The following PPARA variants were observed in gnomAD, a reference collection of about 807,000 sequenced individuals.
PPARA encodes the protein peroxisome proliferator activated receptor alpha, also known as peroxisome proliferator-activated receptor alpha.
PPARA carries 22 observed loss-of-function variants against 42.2 expected under a neutral mutation model. The observed-to-expected ratio is 0.52, with a 90% confidence interval of 0.37 to 0.74. The LOEUF (loss-of-function observed/expected upper bound fraction) is 0.74, where lower values mean the gene tolerates loss of function less well. Ranked by LOEUF, PPARA falls within the 30% of genes least tolerant of loss-of-function variation. The pLI is 0.00. For synonymous variants in PPARA, 242 were observed against 239.3 expected, an observed-to-expected ratio of 1.01 and a Z score of -0.10; for missense variants, 465 against 608.2, an observed-to-expected ratio of 0.76 and a Z score of 2.48.
chr22:46,229,459 A>C (rs1935716517), intron 7 of PPARA, among the ~76,000 whole-genome samples: 1 of 151,926 alleles, frequency 6.6e-6, no homozygotes, highest in Non-Finnish European at 1.5e-5. Context: ...AGGCTGAGGC[A>C]GGAGAATTGC....
At position 46,236,892 on chromosome 22, in the gene PPARA, T is replaced by G. The variant is rs1936231103; in HGVS notation, c.*1512T>G. ...TTTTTCAACATCTAAAATTTTTGTTTTAGCCTTCAAAACCAACTTACCAAC... is the reference window on the plus strand; with the variant it reads ...TTTTTCAACATCTAAAATTTTTGTTGTAGCCTTCAAAACCAACTTACCAAC... On this transcript the variant is annotated 3_prime_UTR_variant, in exon 9 of 9. Coordinates refer to ENST00000407236, the MANE Select transcript of PPARA (RefSeq NM_005036.6). The surrounding 1 kb of genome is among the most constrained non-coding windows in gnomAD (Gnocchi z 5.2). 1 of 152,260 alleles carries G rather than the reference T, an allele frequency of 6.6e-6. No homozygotes were observed. Among genetic ancestry groups the G allele is most frequent in the African/African-American group, 2.4e-5 (1 of 41,458 alleles). The allele number at this position is 152,260 out of a possible 1,614,324, so 9.4% of individuals were successfully genotyped here. A position where few individuals can be genotyped will look rare whatever the true frequency, so the allele number is the denominator to read the frequency against.
At chr22:46,170,900 G>A (rs1431282818) in intron 2 of PPARA, among the ~76,000 whole-genome samples, 1 of 151,734 alleles carries the variant, frequency 6.6e-6, no homozygotes, top group Non-Finnish European at 1.5e-5. Context: ...AGTGGTTCAC[G>A]CCTGTAATCC....
At position 46,215,103 on chromosome 22, in the gene PPARA, T is replaced by A. The variant is rs922760586; in HGVS notation, c.209-70T>A. On this transcript the variant is annotated intron_variant, in intron 4 of 8. Coordinates refer to ENST00000407236, the MANE Select transcript of PPARA (RefSeq NM_005036.6). The stretch of plus-strand genomic sequence containing the variant: ...AAGCCTCGTATGCGAAATCACATCC[T>A]CATAGACCCGGTTCAGACACAGGAT... 2.5e-6 allele frequency: 4 copies of A among 1,571,894 alleles called. No individual in the cohort carries two copies. The African/African-American group carries it at 5.4e-5, about 21-fold the overall frequency.
At chr22:46,214,565 C>T (rs1483151666) in intron 4 of PPARA, among the ~76,000 whole-genome samples, 3 of 70,906 alleles carry the variant, frequency 4.2e-5, no homozygotes, top group Non-Finnish European at 8.2e-5. Context: ...ATGCGGGGGT[C>T]CAGAGATGTG....
chr22:46,241,901 G>C lies in PPARA; in HGVS notation c.*6521G>C, dbSNP rs201919340. On this transcript the variant is annotated 3_prime_UTR_variant, in exon 9 of 9. Transcript: ENST00000407236. This position sits in a 1 kb window ranked among gnomAD's most constrained non-coding sequence, Gnocchi z 5.7. Reference sequence around the variant, plus strand: ...TACTTGAGTGGTCTCATGGCTGTTAGATGGATTATTTGAAAAAAAAAAAAA... The same window carrying C: ...TACTTGAGTGGTCTCATGGCTGTTACATGGATTATTTGAAAAAAAAAAAAA... The C allele has an allele frequency of 6.2e-5, 8 of 128,732 alleles. No individual in the cohort carries two copies. In the East Asian group the frequency reaches 1.8e-3, roughly 29 times the overall value. 8.0% of individuals were successfully genotyped at this position (128,732 alleles called of 1,614,324 possible). A position where few individuals can be genotyped will look rare whatever the true frequency, so the allele number is the denominator to read the frequency against.
chr22:46,202,136 G>A (rs1187917162), intron 4 of PPARA, among the ~76,000 whole-genome samples: 1 of 152,078 alleles, frequency 6.6e-6, no homozygotes, highest in Non-Finnish European at 1.5e-5. Context: ...CAGTGGCCAG[G>A]AGGGCTGCCC....
chr22:46,190,174 A>G lies in PPARA; in HGVS notation c.-42-8168A>G, dbSNP rs1931355087. ...AAAAAATATAAAGACAAGGTGATAA[A>G]TTAGAATTGGTGGGAAAGAGAAAAA... On this transcript the variant is annotated intron_variant, in intron 3 of 8. Coordinates refer to ENST00000407236, the MANE Select transcript of PPARA (RefSeq NM_005036.6). The surrounding 1 kb of genome is among the most constrained non-coding windows in gnomAD (Gnocchi z 5.6). Among the ~76,000 whole-genome samples, 1 of 152,234 alleles carries G rather than the reference A, an allele frequency of 6.6e-6. No individual in the cohort carries two copies. Among genetic ancestry groups the G allele is most frequent in the African/African-American group, 2.4e-5 (1 of 41,468 alleles).
At position 46,243,565 on chromosome 22, in the gene PPARA, A is replaced by T. The variant is rs14843; in HGVS notation, c.*8185A>T. On this transcript the variant is annotated 3_prime_UTR_variant, in exon 9 of 9. Transcript: ENST00000407236. The surrounding 1 kb of genome is among the most constrained non-coding windows in gnomAD (Gnocchi z 5.0). ...ATGGCTATAAAATAACCTTAATTTT[A>T]AAAAAAAATCTTGGGTCTTCGTTTT... 11,737 of 151,856 alleles carry T rather than the reference A, an allele frequency of 0.077. 584 individuals are homozygous for T. The highest frequency in any genetic ancestry group is 0.11 in the Non-Finnish European group (7,614 of 67,850). 9.4% of individuals were successfully genotyped at this position (151,856 alleles called of 1,614,324 possible).
rs531330549 is a variant in PPARA at position 46,228,886 on chromosome 22, C to T, written c.712-2906C>T. On this transcript the variant is annotated intron_variant, in intron 7 of 8. Coordinates refer to ENST00000407236, the MANE Select transcript of PPARA (RefSeq NM_005036.6). ...TTGGGAGGCTGAGGTGGGCGGATCA[C>T]GAGGTCAGGAGATCGAGACCATCCT... Among the ~76,000 whole-genome samples the T allele has an allele frequency of 9.2e-5, 14 of 152,060 alleles. No individual in the cohort carries two copies. The East Asian group carries it at 1.9e-3, about 21-fold the overall frequency.
At chr22:46,159,481 C>T (rs1925830716) in intron 2 of PPARA, among the ~76,000 whole-genome samples, 1 of 152,152 alleles carries the variant, frequency 6.6e-6, no homozygotes, top group East Asian at 1.9e-4. Context: ...GGTTGGGCTT[C>T]CCATCTCTGC....
intron 4 of PPARA, among the ~76,000 whole-genome samples, chr22:46,213,074 C>G (rs1157908194): frequency 6.6e-6 from 1 of 152,160 alleles, no homozygotes; most frequent in Non-Finnish European, 1.5e-5. Context: ...GGACAAATAC[C>G]TAAGAGTGTG....
rs1274652969 is a variant in PPARA at position 46,198,098 on chromosome 22, C to T, written c.-42-244C>T. On this transcript the variant is annotated intron_variant, in intron 3 of 8. Coordinates refer to ENST00000407236, the MANE Select transcript of PPARA (RefSeq NM_005036.6). ...AAAAAAATACAAAAAATTAGCCAGG[C>T]GTGGTGGCAGGCGCCTGTAGTCCCA... is the stretch of plus-strand genomic sequence containing the variant. 5.4e-5 allele frequency among the ~76,000 whole-genome samples: 8 copies of T among 148,806 alleles called. No individual in the cohort carries two copies. The East Asian group carries it at 1.4e-3, about 26-fold the overall frequency.
rs1298778923 is a variant in PPARA at position 46,192,097 on chromosome 22, C to T, written c.-42-6245C>T. ...GAGAAAGAAAGAAATAGACATTGAA[C>T]ACCTGCTACACAGCAGGGATTGTGC... On this transcript the variant is annotated intron_variant, in intron 3 of 8. Coordinates refer to ENST00000407236, the MANE Select transcript of PPARA (RefSeq NM_005036.6). This position sits in a 1 kb window ranked among gnomAD's most constrained non-coding sequence, Gnocchi z 4.3. Among the ~76,000 whole-genome samples, 1 of 152,150 alleles carries T rather than the reference C, an allele frequency of 6.6e-6. No individual in the cohort carries two copies. The highest frequency in any genetic ancestry group is 1.5e-5 in the Non-Finnish European group (1 of 68,024).
chr22:46,184,368 G>A lies in PPARA; in HGVS notation c.-43+7532G>A, dbSNP rs1205458208. 3.3e-5 allele frequency among the ~76,000 whole-genome samples: 5 copies of A among 152,292 alleles called. No homozygotes were observed. Among genetic ancestry groups the A allele is most frequent in the African/African-American group, 1.2e-4 (5 of 41,554 alleles). On this transcript the variant is annotated intron_variant, in intron 3 of 8. Coordinates refer to ENST00000407236, the MANE Select transcript of PPARA (RefSeq NM_005036.6). This position sits in a 1 kb window ranked among gnomAD's most constrained non-coding sequence, Gnocchi z 4.4. ...AGAGAAGTACCAAGTACCATGGGGA[G>A]ACAGAGTCCAGAATCTCAGAGAGAG...
At position 46,232,326 on chromosome 22, in the gene PPARA, C is replaced by G; in HGVS notation, c.1159+87C>G. 1.4e-6 allele frequency: 2 copies of G among 1,388,510 alleles called. No homozygotes were observed. The highest frequency in any genetic ancestry group is 2.0e-6 in the Non-Finnish European group (2 of 979,024). The allele number at this position is 1,388,510 out of a possible 1,614,324, so 86.0% of individuals were successfully genotyped here. A position where few individuals can be genotyped will look rare whatever the true frequency, so the allele number is the denominator to read the frequency against. ...TGACAATGGGAAATCCAGTACCAGC[C>G]TGAGCTGTTCCAGTGGAGGGGACAC... On this transcript the variant is annotated intron_variant, in intron 8 of 8. Coordinates refer to ENST00000407236, the MANE Select transcript of PPARA (RefSeq NM_005036.6). This position sits in a 1 kb window ranked among gnomAD's most constrained non-coding sequence, Gnocchi z 5.3.
rs1055657 is a variant in PPARA, at chr22:46,242,220, G to A, written c.*6840G>A. 0.13 allele frequency: 19,090 copies of A among 152,418 alleles called. 1,998 individuals carry two copies. The highest frequency in any genetic ancestry group is 0.28 in the African/African-American group (11,754 of 41,480). The allele number at this position is 152,418 out of a possible 1,614,324, so 9.4% of individuals were successfully genotyped here. A position where few individuals can be genotyped will look rare whatever the true frequency, so the allele number is the denominator to read the frequency against. On this transcript the variant is annotated 3_prime_UTR_variant, in exon 9 of 9. Coordinates refer to ENST00000407236, the MANE Select transcript of PPARA (RefSeq NM_005036.6). The surrounding 1 kb of genome is among the most constrained non-coding windows in gnomAD (Gnocchi z 6.1). ...AAAAGTGGTGACCGGGCGTGGGGGG[G>A]CATGCCGCAGCCCTGGGACACAGTC...
rs1230563604 is a variant in PPARA at position 46,173,154 on chromosome 22, T to C, written c.-126-3599T>C. Among the ~76,000 whole-genome samples the C allele has an allele frequency of 6.6e-6, 1 of 152,258 alleles. No homozygotes were observed. The highest frequency in any genetic ancestry group is 1.5e-5 in the Non-Finnish European group (1 of 68,042). The stretch of plus-strand genomic sequence containing the variant: ...CGATGTTTGCTAAATGTTTGAATTA[T>C]GTTGAGTTGCTTAAAGTCATGCTAT... On this transcript the variant is annotated intron_variant, in intron 2 of 8. Coordinates refer to ENST00000407236, the MANE Select transcript of PPARA (RefSeq NM_005036.6). This position sits in a 1 kb window ranked among gnomAD's most constrained non-coding sequence, Gnocchi z 4.3.
rs2147306322 is a variant in PPARA at position 46,187,767 on chromosome 22, C to T, written c.-42-10575C>T. On this transcript the variant is annotated intron_variant, in intron 3 of 8. Coordinates refer to ENST00000407236, the MANE Select transcript of PPARA (RefSeq NM_005036.6). The surrounding 1 kb of genome is among the most constrained non-coding windows in gnomAD (Gnocchi z 4.9). Reference sequence around the variant, plus strand: ...GCAGACTCACCTCTTGCCACTTCTCCCTTGAGGTAGATCAAAAATGGTCAC... The same window carrying T: ...GCAGACTCACCTCTTGCCACTTCTCTCTTGAGGTAGATCAAAAATGGTCAC... Among the ~76,000 whole-genome samples, 1 of 152,348 alleles carries T rather than the reference C, an allele frequency of 6.6e-6. No individual in the cohort carries two copies. The highest frequency in any genetic ancestry group is 6.5e-5 in the Admixed American group (1 of 15,300).
In PPARA at chr22:46,227,422, T is replaced by C. The variant is rs1369382848; in HGVS notation, c.712-4370T>C. ...GCCAGCCACCACACCCGACTAATTTTTGTATTTTTAGTAGACACGGGCTTT... is the reference window on the plus strand; with the variant it reads ...GCCAGCCACCACACCCGACTAATTTCTGTATTTTTAGTAGACACGGGCTTT... On this transcript the variant is annotated intron_variant, in intron 7 of 8. Coordinates refer to ENST00000407236, the MANE Select transcript of PPARA (RefSeq NM_005036.6). This position sits in a 1 kb window ranked among gnomAD's most constrained non-coding sequence, Gnocchi z 4.3. Among the ~76,000 whole-genome samples the C allele has an allele frequency of 1.3e-5, 2 of 152,184 alleles. No individual in the cohort carries two copies. The highest frequency in any genetic ancestry group is 2.9e-5 in the Non-Finnish European group (2 of 68,036).
Sources: gnomAD v4.1 joint callset for allele counts (sites outside exome capture counted in the v4.1 genomes callset) on GRCh38, gnomAD v4.1.1 for gene constraint, Gnocchi (gnomAD v3.1) non-coding constraint, MANE v1.5 for transcripts, NCBI Gene and HGNC (gene_info 2026-07-23, HGNC 2026-07-21) for gene names.